The following MYO16 variants were observed in gnomAD, a reference collection of about 807,000 sequenced individuals.
MYO16 encodes the protein unconventional myosin-XVI.
MYO16 carries 94 observed loss-of-function variants against 205.3 expected under a neutral mutation model. The ratio of observed to expected loss-of-function variants is 0.46; its 90% CI spans 0.39 to 0.54. The LOEUF is 0.54. Among genes scored for constraint, MYO16 ranks in the 20% least tolerant of loss-of-function variants. The pLI is 0.00. For missense variants in MYO16, 2,315 were observed against 2,387.5 expected, an observed-to-expected ratio of 0.97 and a Z score of 0.63; for synonymous variants, 988 against 954.0, an observed-to-expected ratio of 1.04 and a Z score of -0.66.
intron 20 of MYO16, among the ~76,000 whole-genome samples, chr13:108,969,788 T>C (rs1047197776): frequency 1.4e-4 from 22 of 152,198 alleles, no homozygotes. Flanking sequence ...GATTGTTAAA[T>C]ATTTTTTTTT....
At chr13:109,176,046 AAAAAATGGAT>A (rs1340288253) in intron 33 of MYO16, among the ~76,000 whole-genome samples, 5 of 151,644 alleles carry the variant, frequency 3.3e-5, no homozygotes, top group South Asian at 4.1e-4. Flanking sequence ...AAAAATGAAT[AAAAAATGGAT>A]AAAAATGGAT....
At chr13:109,130,461 T>C (rs1876480639) in intron 31 of MYO16, among the ~76,000 whole-genome samples, 1 of 152,274 alleles carries the variant, frequency 6.6e-6, no homozygotes, top group Non-Finnish European at 1.5e-5. Context: ...GAGATGTATT[T>C]CTGCATTCTG....
intron 9 of MYO16, among the ~76,000 whole-genome samples, chr13:108,835,028 G>A (rs1176849252): frequency 1.3e-5 from 2 of 152,050 alleles, no homozygotes; most frequent in African/African-American, 2.4e-5. Flanking sequence ...CACTTTTCTT[G>A]TAGAAAATAA....
intron 11 of MYO16, among the ~76,000 whole-genome samples, chr13:108,858,417 C>A (rs1878300241): frequency 6.6e-6 from 1 of 152,196 alleles, no homozygotes; most frequent in Non-Finnish European, 1.5e-5. Context: ...GCTCTTCCAA[C>A]CTGCACGTCT....
chr13:109,205,051 A>T (rs78634377), intron 34 of MYO16, among the ~76,000 whole-genome samples: 1 of 23,206 alleles, frequency 4.3e-5, no homozygotes, highest in African/African-American at 1.3e-3. Context: ...CCTAAAGAAT[A>T]AAAAAAAAAT....
Position 108,665,950 on chromosome 13 carries a change from G to C in MYO16, c.93G>C (p.Glu31Asp). 1 of 1,614,116 alleles carries C rather than the reference G, an allele frequency of 6.2e-7. No individual in the cohort carries two copies. Among genetic ancestry groups the C allele is most frequent in the Non-Finnish European group, 8.5e-7 (1 of 1,179,986 alleles). ...TGGAAATCGACCAGTGCTTGCTAGA[G>C]TCCCTTCCCCTTGGCCAACGGCAGC... ...HEMEIDQCLLESLPLGQRQRL... is the reference protein window; with the variant it reads ...HEMEIDQCLLDSLPLGQRQRL... Residue 31 changes from glutamate (E) to aspartate (D), a missense_variant, in exon 2 of 35, where the codon GAG becomes GAC. This residue lies in a region of MYO16 where 1,213 missense variants were observed against 1,274.4 expected (regional missense o/e 0.95). Transcript: ENST00000457511.
At chr13:108,886,387 A>C in intron 13 of MYO16, 1 of 456,006 alleles carries the variant, frequency 2.2e-6, no homozygotes, top group South Asian at 1.6e-5. Flanking sequence ...TTGATGCAGG[A>C]TTTTGCTCCT....
At chr13:108,799,445 C>G (rs1474783305) in intron 6 of MYO16, among the ~76,000 whole-genome samples, 2 of 152,140 alleles carry the variant, frequency 1.3e-5, no homozygotes, top group East Asian at 3.8e-4. Flanking sequence ...AGCAACAGAT[C>G]TAGTAATTAC....
At chr13:108,719,446 C>G (rs1884074965) in intron 3 of MYO16, among the ~76,000 whole-genome samples, 1 of 152,054 alleles carries the variant, frequency 6.6e-6, no homozygotes, top group Non-Finnish European at 1.5e-5. Context: ...CAGGCTGTTT[C>G]TTACTTTGGG....
intron 9 of MYO16, among the ~76,000 whole-genome samples, chr13:108,828,815 C>T (rs452748): frequency 0.62 from 93,654 of 151,942 alleles, 29,726 homozygotes; most frequent in Middle Eastern, 0.72. Context: ...GTGGAGACTC[C>T]GAATTGGTGA....
chr13:108,951,992 G>C lies in MYO16; in HGVS notation c.1926-5696G>C, dbSNP rs572336986. Among the ~76,000 whole-genome samples the C allele has an allele frequency of 1.0e-3, 156 of 151,918 alleles. 2 individuals carry two copies. The highest frequency in any genetic ancestry group is 2.4e-4 in the Non-Finnish European group (16 of 67,938). ...GTGGTGGTGGGCGCCTGTAGTCCCAGCCACTCCACTCAGGAGACTGAGACA... is the reference window on the plus strand; with the variant it reads ...GTGGTGGTGGGCGCCTGTAGTCCCACCCACTCCACTCAGGAGACTGAGACA... On this transcript the variant is annotated intron_variant, in intron 16 of 34. Coordinates refer to ENST00000457511, the MANE Select transcript of MYO16 (RefSeq NM_001198950.3).
chr13:109,190,864 C>T (rs1362317988), intron 34 of MYO16, among the ~76,000 whole-genome samples: 1 of 152,140 alleles, frequency 6.6e-6, no homozygotes, highest in Non-Finnish European at 1.5e-5. Context: ...CATAAAGCAA[C>T]TTAAAGCATA....
chr13:108,801,286 G>C (rs1241244452), intron 6 of MYO16, among the ~76,000 whole-genome samples: 1 of 152,152 alleles, frequency 6.6e-6, no homozygotes, highest in Admixed American at 6.6e-5. Context: ...AATCATTTTA[G>C]AAATAAATAA....
At chr13:108,910,188 T>A in intron 16 of MYO16, 38 bp downstream of exon 16, 1 of 1,578,622 alleles carries the variant, frequency 6.3e-7, no homozygotes, top group Admixed American at 1.8e-5. Context: ...AAGCTATGCC[T>A]TCAAATTGTG....
At chr13:108,737,853 G>A (rs1884760107) in intron 4 of MYO16, among the ~76,000 whole-genome samples, 1 of 152,112 alleles carries the variant, frequency 6.6e-6, no homozygotes, top group Admixed American at 6.5e-5. Context: ...CTTCTTCCTG[G>A]TTTAGTTTTG....
At chr13:108,679,289 T>C (rs1882359464) in intron 2 of MYO16, among the ~76,000 whole-genome samples, 1 of 152,188 alleles carries the variant, frequency 6.6e-6, no homozygotes. Context: ...ACCCTCTCAC[T>C]GTCTCCACTC....
rs988843342 is a variant in MYO16, at chr13:108,968,187, A to G, written c.2369+3285A>G. Among the ~76,000 whole-genome samples, 48 of 152,094 alleles carry G rather than the reference A, an allele frequency of 3.2e-4. 1 individual carries two copies. The highest frequency in any genetic ancestry group is 2.8e-3 in the Admixed American group (42 of 15,260). On this transcript the variant is annotated intron_variant, in intron 20 of 34. Transcript: ENST00000457511. ...TCCTCACCGTGTCTTCACCTCTCGTATGCTCCTGCTGCATCAGACACTCAT... is the reference window on the plus strand; with the variant it reads ...TCCTCACCGTGTCTTCACCTCTCGTGTGCTCCTGCTGCATCAGACACTCAT...
intron 22 of MYO16, among the ~76,000 whole-genome samples, chr13:109,015,177 G>T (rs563760947): frequency 3.1e-4 from 47 of 152,302 alleles, no homozygotes; most frequent in African/African-American, 1.1e-3. Flanking sequence ...ATGAAGGGCT[G>T]TTGAATTTTG....
chr13:109,139,325 T>C (rs1876923525), intron 31 of MYO16, among the ~76,000 whole-genome samples: 1 of 152,192 alleles, frequency 6.6e-6, no homozygotes, highest in East Asian at 1.9e-4. Flanking sequence ...TAACTATTAA[T>C]AGTTAATTGG....
Sources: allele counts gnomAD v4.1 joint callset (sites outside exome capture counted in the v4.1 genomes callset), GRCh38; gene constraint gnomAD v4.1.1; regional missense constraint gnomAD v4.1.1; transcripts MANE v1.5; gene names NCBI Gene and HGNC (gene_info 2026-07-23, HGNC 2026-07-21).